Variants in CDC42EP4 observed in about 807,000 individuals in gnomAD.
The protein encoded by CDC42EP4 is CDC42 effector protein 4, also known as CDC42 effector protein (Rho GTPase binding) 4.
In CDC42EP4, 6 loss-of-function variants were observed where a neutral mutation model predicts 5.6. That is an observed-to-expected ratio of 1.07 (90% CI 0.59 to 2.12). The LOEUF is 2.12. Among genes scored for constraint, CDC42EP4 ranks in the 30% most tolerant of loss-of-function variants. The pLI is 0.00. For missense variants in CDC42EP4, 490 were observed against 508.6 expected (o/e 0.96, Z 0.35); for synonymous variants, 230 against 224.2 (o/e 1.03, Z -0.23).
chr17:73,289,562 T>G, intron 1 of CDC42EP4, among the ~76,000 whole-genome samples: 1 of 138,724 alleles, frequency 7.2e-6, no homozygotes, highest in Non-Finnish European at 1.6e-5. Flanking sequence ...AATAAACCAG[T>G]AAAAGAAAAA....
chr17:73,289,874 AAAAGC>A (rs1225693348), intron 1 of CDC42EP4, among the ~76,000 whole-genome samples: 1 of 152,086 alleles, frequency 6.6e-6, no homozygotes, highest in Non-Finnish European at 1.5e-5. Flanking sequence ...AAAGGAAAAG[AAAAGC>A]AAGGAAGGAA....
At chr17:73,288,833 G>T (rs2062146545) in intron 1 of CDC42EP4, among the ~76,000 whole-genome samples, 1 of 152,034 alleles carries the variant, frequency 6.6e-6, no homozygotes, top group East Asian at 1.9e-4. Context: ...CAGTGCCCAC[G>T]CCATACCGCT....
At position 73,292,306 on chromosome 17, in the gene CDC42EP4, G is replaced by A. The variant is rs115042237; in HGVS notation, c.-112-5694C>T. ...CCAGGCAATGTGGCCGAATAGCAGAGGGCTTTTAGTGCACGATGACTTTAG... is the reference window on the plus strand; with the variant it reads ...CCAGGCAATGTGGCCGAATAGCAGAAGGCTTTTAGTGCACGATGACTTTAG... On this transcript the variant is annotated intron_variant, in intron 1 of 1. Coordinates refer to ENST00000335793, the MANE Select transcript of CDC42EP4 (RefSeq NM_012121.5). Among the ~76,000 whole-genome samples, 1,291 of 152,350 alleles carry A rather than the reference G, an allele frequency of 8.5e-3. 18 individuals are homozygous for A. The highest frequency in any genetic ancestry group is 0.03 in the African/African-American group (1,244 of 41,578).
chr17:73,285,073 T>C lies in CDC42EP4; in HGVS notation c.*357A>G, dbSNP rs553679092. On this transcript the variant is annotated 3_prime_UTR_variant, in exon 2 of 2. Coordinates refer to ENST00000335793, the MANE Select transcript of CDC42EP4 (RefSeq NM_012121.5). This position sits in a 1 kb window ranked among gnomAD's most constrained non-coding sequence, Gnocchi z 6.8. ...TGAGGCTGCCTCTGGGCTGACCCGC[T>C]GGCTGTACGTGGCCAGAACTGGGGT... 6 of 173,364 alleles carry C rather than the reference T, an allele frequency of 3.5e-5. No homozygotes were observed. The highest frequency in any genetic ancestry group is 6.1e-5 in the Non-Finnish European group (5 of 82,038). The allele number at this position is 173,364 out of a possible 1,614,324, so 10.7% of individuals were successfully genotyped here. A position where few individuals can be genotyped will look rare whatever the true frequency, so the allele number is the denominator to read the frequency against.
intron 1 of CDC42EP4, among the ~76,000 whole-genome samples, chr17:73,310,708 C>G (rs1375405039): frequency 6.6e-6 from 1 of 151,606 alleles, no homozygotes; most frequent in Non-Finnish European, 1.5e-5. Flanking sequence ...CACAGGGAAC[C>G]TGGTTTGAGT....
Position 73,285,706 on chromosome 17 carries a change from C to T in CDC42EP4, c.795G>A (p.Gln265=). ...GCAAGTCTGGGCCAGCCTTGCCTTC[C>T]TGCCTTGCCAGGGGAGGGGCCGCCA... is the stretch of plus-strand genomic sequence containing the variant. The part of the protein sequence containing the change: ...YAVAAPPLAR[Q]EGKAGPDLPS... Residue 265 remains glutamine (Q), a synonymous_variant, in exon 2 of 2, where the codon CAG becomes CAA. Coordinates refer to ENST00000335793, the MANE Select transcript of CDC42EP4 (RefSeq NM_012121.5). This position sits in a 1 kb window ranked among gnomAD's most constrained non-coding sequence, Gnocchi z 6.8. The T allele has an allele frequency of 6.4e-7, 1 of 1,571,700 alleles. No homozygotes were observed. Among genetic ancestry groups the T allele is most frequent in the Non-Finnish European group, 8.7e-7 (1 of 1,153,318 alleles).
chr17:73,307,760 CT>C (rs539543636), intron 1 of CDC42EP4, among the ~76,000 whole-genome samples: 8,781 of 107,058 alleles, frequency 0.082, 241 homozygotes, highest in East Asian at 0.2. Flanking sequence ...GAATTTCTCT[CT>C]TTTTTTTTTT....
intron 1 of CDC42EP4, among the ~76,000 whole-genome samples, chr17:73,287,416 G>T (rs909303371): frequency 2.0e-5 from 3 of 152,182 alleles, no homozygotes; most frequent in Non-Finnish European, 2.9e-5. Context: ...GGGAGGCAGG[G>T]ACTGGACCCT....
intron 1 of CDC42EP4, among the ~76,000 whole-genome samples, chr17:73,297,310 A>G: frequency 8.2e-6 from 1 of 121,940 alleles, no homozygotes; most frequent in Middle Eastern, 4.8e-3. Flanking sequence ...AAAAAAAAAA[A>G]CACACACACA....
At chr17:73,307,558 C>T (rs1362845336) in intron 1 of CDC42EP4, among the ~76,000 whole-genome samples, 3 of 151,536 alleles carry the variant, frequency 2.0e-5, no homozygotes, top group African/African-American at 7.3e-5. Flanking sequence ...CACCATTCTC[C>T]TGCCTCAGCC....
rs752118306 is a variant in CDC42EP4 at position 73,285,932 on chromosome 17, A to G, written c.569T>C (p.Leu190Pro). The stretch of plus-strand genomic sequence containing the variant: ...GTACGTGGCCTTGGGCACGACAGGC[A>G]GATCTGTCAGATCCCCAAAGGCCTG... ...DEQAFGDLTDLPVVPKATYGL... is the reference protein window; with the variant it reads ...DEQAFGDLTDPPVVPKATYGL... The change falls in exon 2 of 2, where the codon CTG (leucine) becomes CCG (proline). Residue 190 changes from leucine to proline, a missense_variant. Coordinates refer to ENST00000335793, the MANE Select transcript of CDC42EP4 (RefSeq NM_012121.5). The surrounding 1 kb of genome is among the most constrained non-coding windows in gnomAD (Gnocchi z 6.8). 6.2e-7 allele frequency: 1 copy of G among 1,613,906 alleles called. No individual in the cohort carries two copies. The highest frequency in any genetic ancestry group is 8.5e-7 in the Non-Finnish European group (1 of 1,180,030).
At chr17:73,295,906 CA>C (rs200176195) in intron 1 of CDC42EP4, among the ~76,000 whole-genome samples, 1,469 of 101,802 alleles carry the variant, frequency 0.014, 21 homozygotes, top group African/African-American at 0.04. Context: ...ACTCCATCTC[CA>C]AAAAAAAAAA....
In CDC42EP4 at chr17:73,284,453, C is replaced by G. The variant is rs1477406195; in HGVS notation, c.*977G>C. The G allele has an allele frequency of 1.3e-5, 2 of 152,142 alleles. No individual in the cohort carries two copies. The highest frequency in any genetic ancestry group is 2.9e-5 in the Non-Finnish European group (2 of 68,030). 9.4% of individuals were successfully genotyped at this position (152,142 alleles called of 1,614,324 possible). ...TAGGGAAAACACACACACCAGACAC[C>G]CACCCCATGTCATTCTAAATAAAGT... On this transcript the variant is annotated 3_prime_UTR_variant, in exon 2 of 2. Transcript: ENST00000335793.
At chr17:73,291,334 A>G (rs1173840517) in intron 1 of CDC42EP4, among the ~76,000 whole-genome samples, 1 of 152,170 alleles carries the variant, frequency 6.6e-6, no homozygotes, top group African/African-American at 2.4e-5. Context: ...CTGGCAGTCC[A>G]CACTGGGGAT....
At chr17:73,301,002 C>T (rs1007280208) in intron 1 of CDC42EP4, among the ~76,000 whole-genome samples, 2 of 150,380 alleles carry the variant, frequency 1.3e-5, no homozygotes, top group Non-Finnish European at 2.9e-5. Context: ...GCAGAGATCA[C>T]GCCATTGCAC....
intron 1 of CDC42EP4, among the ~76,000 whole-genome samples, chr17:73,304,278 T>TTC (rs1491527549): frequency 4.3e-5 from 3 of 69,080 alleles, no homozygotes; most frequent in African/African-American, 2.1e-4. Context: ...CTTCTTCTTC[T>TTC]TTTTTTTTTT....
chr17:73,291,037 G>T (rs1172553516), intron 1 of CDC42EP4, among the ~76,000 whole-genome samples: 1 of 152,182 alleles, frequency 6.6e-6, no homozygotes, highest in African/African-American at 2.4e-5. Flanking sequence ...AACTATTGAG[G>T]TAGGTCAGAG....
chr17:73,283,910 G>A lies in CDC42EP4; in HGVS notation c.*1520C>T. 6.6e-6 allele frequency: 1 copy of A among 152,238 alleles called. No homozygotes were observed. The highest frequency in any genetic ancestry group is 6.6e-5 in the Admixed American group (1 of 15,266). 9.4% of individuals were successfully genotyped at this position (152,238 alleles called of 1,614,324 possible). ...TCGCCATGGGGACGCCCCTGGCTGT[G>A]GTTGGTTCTGTGTCTCCCCCTCCCC... On this transcript the variant is annotated 3_prime_UTR_variant, in exon 2 of 2. Coordinates refer to ENST00000335793, the MANE Select transcript of CDC42EP4 (RefSeq NM_012121.5).
chr17:73,285,385 G>C lies in CDC42EP4; in HGVS notation c.*45C>G. ...AAGGTCATAGTGGGGTGGGGGCAGG[G>C]AGAAGATGCAGCCAAGAGCTCCCGG... On this transcript the variant is annotated 3_prime_UTR_variant, in exon 2 of 2. Coordinates refer to ENST00000335793, the MANE Select transcript of CDC42EP4 (RefSeq NM_012121.5). The surrounding 1 kb of genome is among the most constrained non-coding windows in gnomAD (Gnocchi z 6.8). 2 of 1,451,560 alleles carry C rather than the reference G, an allele frequency of 1.4e-6. No homozygotes were observed. Among genetic ancestry groups the C allele is most frequent in the Non-Finnish European group, 1.9e-6 (2 of 1,066,308 alleles). The allele number at this position is 1,451,560 out of a possible 1,614,324, so 89.9% of individuals were successfully genotyped here.
Sources: gnomAD v4.1 joint callset for allele counts (sites outside exome capture counted in the v4.1 genomes callset) on GRCh38, gnomAD v4.1.1 for gene constraint, Gnocchi (gnomAD v3.1) non-coding constraint, MANE v1.5 for transcripts, NCBI Gene and HGNC (gene_info 2026-07-23, HGNC 2026-07-21) for gene names.